Variants in LGMN observed in about 807,000 individuals in gnomAD.
LGMN encodes the protein legumain.
A neutral mutation model predicts 56.8 loss-of-function variants in LGMN; 36 were observed. The ratio of observed to expected loss-of-function variants is 0.63; its 90% CI spans 0.49 to 0.84. LGMN has a LOEUF of 0.84. Among genes scored for constraint, LGMN ranks in the 40% least tolerant of loss-of-function variants. The pLI is 0.00. For missense variants in LGMN, 446 were observed against 556.1 expected (o/e 0.80, Z 1.99); for synonymous variants, 199 against 210.1 (o/e 0.95, Z 0.46).
chr14:92,705,826 C>G (rs1184421329), intron 12 of LGMN, among the ~76,000 whole-genome samples: 1 of 152,124 alleles, frequency 6.6e-6, no homozygotes, highest in Non-Finnish European at 1.5e-5. Context: ...TGAGGTCTTA[C>G]CATGTTGGCC....
Position 92,714,467 on chromosome 14 carries a change from C to CG in LGMN, c.405-17dup, listed in dbSNP as rs756394849. ...CTGGGGGCCACTGCCAAGAAGGAAT[C>CG]GGGGGTCAATCATTTCCTTTTTCTG... On this transcript the variant is annotated splice_polypyrimidine_tract_variant and intron_variant, in intron 5 of 13. Transcript: ENST00000334869. This position sits in a 1 kb window ranked among gnomAD's most constrained non-coding sequence, Gnocchi z 5.1. 22 of 1,551,762 alleles carry CG rather than the reference C, an allele frequency of 1.4e-5. No individual in the cohort carries two copies. Among genetic ancestry groups the CG allele is most frequent in the Admixed American group, 8.8e-5 (5 of 57,102 alleles).
chr14:92,707,751 T>G (rs1889516974), intron 11 of LGMN, among the ~76,000 whole-genome samples: 1 of 152,250 alleles, frequency 6.6e-6, no homozygotes, highest in South Asian at 2.1e-4. Context: ...TTACTTTACA[T>G]AAAAGTATAA....
chr14:92,745,377 G>T (rs184164753), intron 1 of LGMN, among the ~76,000 whole-genome samples: 1 of 152,174 alleles, frequency 6.6e-6, no homozygotes, highest in East Asian at 1.9e-4. Context: ...TTGAAGGGTG[G>T]ACATTAACCT....
At chr14:92,725,076 A>T (rs1457184952) in intron 2 of LGMN, among the ~76,000 whole-genome samples, 1 of 152,214 alleles carries the variant, frequency 6.6e-6, no homozygotes, top group African/African-American at 2.4e-5. Flanking sequence ...GAGAGAAGGA[A>T]TGACACCTGA....
At chr14:92,740,802 AGC>A (rs1290954277) in intron 1 of LGMN, among the ~76,000 whole-genome samples, 1 of 152,224 alleles carries the variant, frequency 6.6e-6, no homozygotes, top group Non-Finnish European at 1.5e-5. Flanking sequence ...AGACTTCACC[AGC>A]CTCCAATGAC....
intron 1 of LGMN, among the ~76,000 whole-genome samples, chr14:92,736,213 G>A (rs1891297854): frequency 6.6e-6 from 1 of 152,174 alleles, no homozygotes; most frequent in South Asian, 2.1e-4. Flanking sequence ...AGGGAGATGT[G>A]CCTGCTACAA....
intron 1 of LGMN, among the ~76,000 whole-genome samples, chr14:92,739,421 T>C (rs1353354570): frequency 6.6e-6 from 1 of 152,100 alleles, no homozygotes; most frequent in Non-Finnish European, 1.5e-5. Context: ...CCTCCTCTCC[T>C]TTAACTTCCT....
At chr14:92,721,556 T>C (rs1890480024) in intron 2 of LGMN, among the ~76,000 whole-genome samples, 1 of 152,240 alleles carries the variant, frequency 6.6e-6, no homozygotes, top group South Asian at 2.1e-4. Flanking sequence ...GATGGAAGTA[T>C]AGTGTAATTG....
In LGMN at chr14:92,719,269, G is replaced by GCCA. The variant is rs1400244430; in HGVS notation, c.139-426_139-425insTGG. Among the ~76,000 whole-genome samples, 157 of 15,548 alleles carry GCCA rather than the reference G, an allele frequency of 0.01. 3 individuals carry two copies. The East Asian group carries it at 0.1, about 10-fold the overall frequency. 10.2% of individuals were successfully genotyped at this position (15,548 alleles called of 152,430 possible). On this transcript the variant is annotated intron_variant, in intron 2 of 13. Transcript: ENST00000334869. Reference sequence around the variant, plus strand: ...CGCCACCACCACCACCGCCACCGCCGCCGCCGCCACCGCCGCCGCCGCCGC... The same window carrying GCCA: ...CGCCACCACCACCACCGCCACCGCCGCCACCGCCGCCACCGCCGCCGCCGCCGC...
intron 2 of LGMN, among the ~76,000 whole-genome samples, chr14:92,731,197 G>C (rs1216485701): frequency 6.6e-6 from 1 of 152,184 alleles, no homozygotes; most frequent in African/African-American, 2.4e-5. Flanking sequence ...AGGACTCTGT[G>C]TAAAGCGCTC....
intron 1 of LGMN, among the ~76,000 whole-genome samples, chr14:92,735,889 G>A (rs1235517646): frequency 7.9e-5 from 12 of 151,852 alleles, no homozygotes; most frequent in South Asian, 2.1e-4. Flanking sequence ...CTAGAACCAC[G>A]GGTCTGTTCA....
chr14:92,723,524 T>C (rs1890590316), intron 2 of LGMN, among the ~76,000 whole-genome samples: 1 of 152,228 alleles, frequency 6.6e-6, no homozygotes, highest in Non-Finnish European at 1.5e-5. Flanking sequence ...AATGGAATGC[T>C]ATTTGGGAAT....
At chr14:92,733,432 A>G (rs1891153840) in intron 1 of LGMN, among the ~76,000 whole-genome samples, 1 of 152,232 alleles carries the variant, frequency 6.6e-6, no homozygotes, top group Non-Finnish European at 1.5e-5. Flanking sequence ...AATACAGCAG[A>G]TAAAATTCAT....
At position 92,706,659 on chromosome 14, in the gene LGMN, G is replaced by A. The variant is rs374741854; in HGVS notation, c.1021-6C>T. The A allele has an allele frequency of 2.5e-4, 390 of 1,565,706 alleles. No individual in the cohort carries two copies. The highest frequency in any genetic ancestry group is 3.3e-4 in the Non-Finnish European group (379 of 1,144,490). On this transcript the variant is annotated splice_polypyrimidine_tract_variant and splice_region_variant and intron_variant, in intron 11 of 13. Transcript: ENST00000334869. ...TTCTCAATGAGGTGCCTGGCCTGGG[G>A]AGAAACGCGGCCTGTCAGAATGTGC...
intron 1 of LGMN, among the ~76,000 whole-genome samples, chr14:92,737,516 C>G (rs1316578911): frequency 6.6e-6 from 1 of 152,244 alleles, no homozygotes; most frequent in Non-Finnish European, 1.5e-5. Context: ...GTCACCAGCT[C>G]AACCGACAGA....
At chr14:92,745,037 C>T (rs1023094949) in intron 1 of LGMN, among the ~76,000 whole-genome samples, 1 of 152,130 alleles carries the variant, frequency 6.6e-6, no homozygotes, top group South Asian at 2.1e-4. Context: ...GTGTCTCCTG[C>T]CTGTAATCCC....
At chr14:92,716,907 G>A (rs1386417945) in intron 4 of LGMN, among the ~76,000 whole-genome samples, 1 of 151,918 alleles carries the variant, frequency 6.6e-6, no homozygotes, top group Non-Finnish European at 1.5e-5. Flanking sequence ...TCAACTAGGA[G>A]GAACAGAAAA....
chr14:92,732,115 G>C (rs1280131750), intron 2 of LGMN, among the ~76,000 whole-genome samples: 2 of 152,150 alleles, frequency 1.3e-5, no homozygotes, highest in Non-Finnish European at 2.9e-5. Context: ...GTGACCTTGA[G>C]CAAGTCACCT....
intron 6 of LGMN, 38 bp from the exon 7 acceptor site, chr14:92,713,923 A>T: frequency 6.7e-7 from 1 of 1,498,708 alleles, no homozygotes. Flanking sequence ...ACACATCAAG[A>T]GAAACTATTT....
Sources: gnomAD v4.1 joint callset for allele counts (sites outside exome capture counted in the v4.1 genomes callset) on GRCh38, gnomAD v4.1.1 for gene constraint, Gnocchi (gnomAD v3.1) non-coding constraint, MANE v1.5 for transcripts, NCBI Gene and HGNC (gene_info 2026-07-23, HGNC 2026-07-21) for gene names.